Variants in IL1RAPL1 observed in about 807,000 individuals in gnomAD.
IL1RAPL1 encodes the protein interleukin-1 receptor accessory protein-like 1.
A neutral mutation model predicts 48.4 loss-of-function variants in IL1RAPL1; 3 were observed. The observed-to-expected ratio is 0.06, with a 90% CI of 0.03 to 0.16. The LOEUF (loss-of-function observed/expected upper bound fraction) is 0.16. IL1RAPL1 is among the 10% of genes least tolerant of loss of function. IL1RAPL1 has a pLI of 1.00. For synonymous variants in IL1RAPL1, 185 were observed against 187.7 expected, an observed-to-expected ratio of 0.99 and a Z score of 0.12; for missense variants, 349 against 530.6, an observed-to-expected ratio of 0.66 and a Z score of 3.36.
chrX:29,762,116 A>G (rs760102658), intron 6 of IL1RAPL1, among the ~76,000 whole-genome samples: 2 of 112,023 alleles, frequency 1.8e-5, no homozygotes, highest in South Asian at 7.3e-4. Context: ...AAATTGACCA[A>G]ATCTCTCAGA....
At chrX:29,475,450 T>C (rs776520074) in intron 5 of IL1RAPL1, among the ~76,000 whole-genome samples, 2 of 112,118 alleles carry the variant, frequency 1.8e-5, no homozygotes, top group Non-Finnish European at 3.8e-5. Context: ...GTGACTTTAT[T>C]GTGAATGCAA....
At chrX:28,818,889 C>A (rs904901484) in intron 2 of IL1RAPL1, among the ~76,000 whole-genome samples, 1 of 110,855 alleles carries the variant, frequency 9.0e-6, no homozygotes, top group Non-Finnish European at 1.9e-5. Context: ...TGAGAAATTA[C>A]AGAACAGGTA....
chrX:28,713,603 T>C (rs1193044665), intron 1 of IL1RAPL1, among the ~76,000 whole-genome samples: 1 of 111,300 alleles, frequency 9.0e-6, no homozygotes, highest in Non-Finnish European at 1.9e-5. Context: ...GTCTAGATTT[T>C]CCTTACTTTG....
chrX:29,427,828 A>T (rs1934368232), intron 5 of IL1RAPL1, among the ~76,000 whole-genome samples: 1 of 111,972 alleles, frequency 8.9e-6, no homozygotes, highest in Non-Finnish European at 1.9e-5. Context: ...CTATGCTTGC[A>T]TCTTAGCAGA....
chrX:29,674,888 A>G (rs182869876), intron 6 of IL1RAPL1, among the ~76,000 whole-genome samples: 1 of 112,225 alleles, frequency 8.9e-6, no homozygotes, highest in Non-Finnish European at 1.9e-5. Context: ...GTTCCTGCAA[A>G]GGACATGATC....
At chrX:29,802,809 ATG>A (rs749866102) in intron 6 of IL1RAPL1, among the ~76,000 whole-genome samples, 2,727 of 46,718 alleles carry the variant, frequency 0.058, 92 homozygotes, top group South Asian at 0.073. Context: ...ATATATATAT[ATG>A]TGTGTATATA....
At chrX:29,354,691 G>GT (rs1459449977) in intron 3 of IL1RAPL1, among the ~76,000 whole-genome samples, 1 of 111,963 alleles carries the variant, frequency 8.9e-6, no homozygotes, top group African/African-American at 3.2e-5. Flanking sequence ...AATGTGTATT[G>GT]TTTTACCCAT....
chrX:28,591,225 C>T (rs756812278), intron 1 of IL1RAPL1, among the ~76,000 whole-genome samples: 1 of 112,258 alleles, frequency 8.9e-6, no homozygotes, highest in South Asian at 3.6e-4. Context: ...CCAGTTGCTT[C>T]AGCAAAGTAA....
chrX:29,447,125 T>C (rs984608422), intron 5 of IL1RAPL1, among the ~76,000 whole-genome samples: 4 of 111,298 alleles, frequency 3.6e-5, no homozygotes, highest in African/African-American at 1.3e-4. Flanking sequence ...TATTTGCTAT[T>C]ATGTCAAATT....
chrX:28,723,745 C>T (rs1182831420), intron 1 of IL1RAPL1, among the ~76,000 whole-genome samples: 1 of 111,686 alleles, frequency 9.0e-6, no homozygotes, highest in East Asian at 2.8e-4. Context: ...GCATAAATTT[C>T]CCTCTACACA....
At chrX:29,167,884 C>A (rs755645879) in intron 2 of IL1RAPL1, among the ~76,000 whole-genome samples, 1 of 110,794 alleles carries the variant, frequency 9.0e-6, no homozygotes, top group African/African-American at 3.3e-5. Flanking sequence ...AAATATCACA[C>A]TTCCCTCTAA....
At chrX:29,391,308 G>T (rs1602210763) in intron 3 of IL1RAPL1, among the ~76,000 whole-genome samples, 1 of 111,942 alleles carries the variant, frequency 8.9e-6, no homozygotes. Flanking sequence ...GAAACTGTAT[G>T]GAAGTAATTA....
intron 6 of IL1RAPL1, among the ~76,000 whole-genome samples, chrX:29,674,803 A>G (rs1309345594): frequency 9.0e-6 from 1 of 111,333 alleles, no homozygotes; most frequent in Non-Finnish European, 1.9e-5. Context: ...CCCACTTATA[A>G]GTGAGAACAT....
intron 2 of IL1RAPL1, among the ~76,000 whole-genome samples, chrX:28,880,961 AT>A (rs1922487894): frequency 9.0e-6 from 1 of 111,577 alleles, no homozygotes; most frequent in Non-Finnish European, 1.9e-5. Flanking sequence ...TAAAAATAAT[AT>A]TTTTAATACA....
At chrX:28,694,402 A>G (rs887965101) in intron 1 of IL1RAPL1, among the ~76,000 whole-genome samples, 1 of 111,738 alleles carries the variant, frequency 8.9e-6, no homozygotes, top group Admixed American at 9.6e-5. Context: ...CATATTATTC[A>G]CTTTGGCCCA....
intron 5 of IL1RAPL1, among the ~76,000 whole-genome samples, chrX:29,504,960 G>C (rs1935312338): frequency 9.0e-6 from 1 of 111,464 alleles, no homozygotes; most frequent in Non-Finnish European, 1.9e-5. Context: ...TTCTCTGGTA[G>C]TATGTTTTAA....
At chrX:28,823,445 T>G (rs1266068517) in intron 2 of IL1RAPL1, among the ~76,000 whole-genome samples, 1 of 111,404 alleles carries the variant, frequency 9.0e-6, no homozygotes, top group Admixed American at 9.6e-5. Context: ...ATTTTTCTGA[T>G]AGCTCCTTCC....
intron 6 of IL1RAPL1, among the ~76,000 whole-genome samples, chrX:29,680,462 T>C (rs1278217527): frequency 1.3e-4 from 14 of 110,612 alleles, no homozygotes. Context: ...GCATTAGAGG[T>C]GAGGGGCATT....
intron 6 of IL1RAPL1, among the ~76,000 whole-genome samples, chrX:29,681,929 C>G (rs1307366555): frequency 1.8e-5 from 2 of 109,717 alleles, no homozygotes; most frequent in Admixed American, 2.0e-4. Flanking sequence ...AAAAAAATTA[C>G]CAGACTGCCA....
Sources: allele counts gnomAD v4.1 joint callset (sites outside exome capture counted in the v4.1 genomes callset), GRCh38; gene constraint gnomAD v4.1.1; transcripts MANE v1.5; gene names NCBI Gene and HGNC (gene_info 2026-07-23, HGNC 2026-07-21).